The following TNRC6B variants were observed in gnomAD, a reference collection of about 807,000 sequenced individuals.
TNRC6B encodes the protein trinucleotide repeat-containing gene 6B protein.
TNRC6B carries 52 observed loss-of-function variants against 203.6 expected under a neutral mutation model. The observed-to-expected ratio is 0.26, with a 90% CI of 0.20 to 0.32. The LOEUF (loss-of-function observed/expected upper bound fraction) is 0.32, where lower values mean the gene tolerates loss of function less well. Among genes scored for constraint, TNRC6B ranks in the 10% least tolerant of loss-of-function variants. The pLI, the probability that TNRC6B is intolerant of heterozygous loss-of-function variation, is 1.00. For missense variants in TNRC6B, 1,923 were observed against 2,286.2 expected (o/e 0.84, Z 3.24); for synonymous variants, 838 against 845.7 (o/e 0.99, Z 0.16).
intron 1 of TNRC6B, among the ~76,000 whole-genome samples, chr22:40,066,995 C>T (rs555492448): frequency 9.9e-5 from 15 of 151,658 alleles, no homozygotes; most frequent in African/African-American, 3.6e-4. Flanking sequence ...CTTCAACCTC[C>T]GAGGCTCAAG....
intron 20 of TNRC6B, 132 bp from the exon 21 acceptor site, chr22:40,315,810 T>C: frequency 1.3e-6 from 1 of 744,128 alleles, no homozygotes. Flanking sequence ...AAAAAGAAGG[T>C]CAGAGTCCAG....
intron 12 of TNRC6B, among the ~76,000 whole-genome samples, chr22:40,299,325 C>G (rs144246251): frequency 6.6e-6 from 1 of 151,836 alleles, no homozygotes; most frequent in South Asian, 2.1e-4. Context: ...CCACAACCTC[C>G]GCCTCCCAGC....
intron 4 of TNRC6B, among the ~76,000 whole-genome samples, chr22:40,163,275 GTGT>G (rs2068885615): frequency 6.6e-6 from 1 of 150,720 alleles, no homozygotes; most frequent in African/African-American, 2.4e-5. Context: ...TTAGCTGAGC[GTGT>G]TGTTGTGTGC....
At chr22:40,090,144 A>G (rs1370214070) in intron 1 of TNRC6B, among the ~76,000 whole-genome samples, 1 of 152,234 alleles carries the variant, frequency 6.6e-6, no homozygotes, top group Non-Finnish European at 1.5e-5. Context: ...TGCAAACACC[A>G]TGTGTGGGTT....
chr22:40,060,088 C>A (rs2067836384), intron 1 of TNRC6B, among the ~76,000 whole-genome samples: 1 of 150,578 alleles, frequency 6.6e-6, no homozygotes. Context: ...CTCGACCTCC[C>A]AAAAGTGCTG....
chr22:40,074,235 CAAAAA>C (rs944802253), intron 1 of TNRC6B, among the ~76,000 whole-genome samples: 7 of 68,366 alleles, frequency 1.0e-4, no homozygotes, highest in African/African-American at 2.2e-4. Flanking sequence ...CGCTCTGTCT[CAAAAA>C]AAAAAAAAAA....
At chr22:40,144,458 G>A (rs955919200) in intron 3 of TNRC6B, among the ~76,000 whole-genome samples, 18 of 150,928 alleles carry the variant, frequency 1.2e-4, no homozygotes, top group African/African-American at 3.4e-4. Context: ...GGCGGATCAC[G>A]AGGTCAGGAG....
At chr22:40,062,124 A>G (rs1266204842) in intron 1 of TNRC6B, among the ~76,000 whole-genome samples, 1 of 152,176 alleles carries the variant, frequency 6.6e-6, no homozygotes, top group African/African-American at 2.4e-5. Flanking sequence ...CAGCCCTCCC[A>G]GGTTTTGTAT....
chr22:40,197,987 G>A (rs1254673959), intron 1 of TNRC6B, among the ~76,000 whole-genome samples: 1 of 152,036 alleles, frequency 6.6e-6, no homozygotes, highest in Non-Finnish European at 1.5e-5. Flanking sequence ...GTTTACTTCA[G>A]GTGATTAATT....
At position 40,113,086 on chromosome 22, in the gene TNRC6B, G is replaced by A. The variant is rs142161372; in HGVS notation, c.-120-3969G>A. ...TGCGTCACTGCACTCCAGCCTGGGC[G>A]ACAGAGCAAGACTCCATCTCAACAA... is the stretch of plus-strand genomic sequence containing the variant. On this transcript the variant is annotated intron_variant, in intron 1 of 23. Transcript: ENST00000301923. Among the ~76,000 whole-genome samples the A allele has an allele frequency of 1.8e-4, 28 of 152,220 alleles. No individual in the cohort carries two copies. The East Asian group carries it at 5.0e-3, about 27-fold the overall frequency.
At chr22:40,144,220 T>C (rs774405822) in intron 3 of TNRC6B, among the ~76,000 whole-genome samples, 15 of 152,224 alleles carry the variant, frequency 9.9e-5, no homozygotes, top group Non-Finnish European at 1.9e-4. Context: ...CTTAGGTGTA[T>C]ACTCCATAGA....
At chr22:40,139,075 T>C (rs887133979) in intron 3 of TNRC6B, among the ~76,000 whole-genome samples, 1 of 152,176 alleles carries the variant, frequency 6.6e-6, no homozygotes, top group African/African-American at 2.4e-5. Flanking sequence ...AAAAAGAAAC[T>C]GTATCCATTA....
At chr22:40,187,772 T>C (rs1164479047) in intron 1 of TNRC6B, among the ~76,000 whole-genome samples, 3 of 152,202 alleles carry the variant, frequency 2.0e-5, no homozygotes, top group Non-Finnish European at 4.4e-5. Flanking sequence ...TTTGCCGACC[T>C]GGGCCAATTG....
intron 1 of TNRC6B, among the ~76,000 whole-genome samples, chr22:40,048,872 G>A (rs751621672): frequency 2.6e-5 from 4 of 150,954 alleles, no homozygotes; most frequent in Non-Finnish European, 5.9e-5. Context: ...ACAGAGTTTC[G>A]CTCTGTCGCC....
chr22:40,243,563 C>G lies in TNRC6B; in HGVS notation c.6-2452C>G, dbSNP rs540008021. 2.0e-4 allele frequency among the ~76,000 whole-genome samples: 30 copies of G among 152,208 alleles called. No individual in the cohort carries two copies. In the South Asian group the frequency reaches 6.2e-3, roughly 32 times the overall value. On this transcript the variant is annotated intron_variant, in intron 1 of 22. Coordinates refer to ENST00000454349, the MANE Select transcript of TNRC6B (RefSeq NM_001162501.2). ...GAACGTGTTTGATTAAAACTTACCC[C>G]TTTTTTTACATTTTATTTTATTAAT...
At chr22:40,147,723 C>T (rs1347221123) in intron 3 of TNRC6B, among the ~76,000 whole-genome samples, 1 of 152,188 alleles carries the variant, frequency 6.6e-6, no homozygotes, top group African/African-American at 2.4e-5. Context: ...AGGTTTTCAA[C>T]ACAAATTTTG....
intron 1 of TNRC6B, among the ~76,000 whole-genome samples, chr22:40,048,270 T>C (rs2067710132): frequency 6.6e-6 from 1 of 152,220 alleles, no homozygotes; most frequent in Non-Finnish European, 1.5e-5. Flanking sequence ...CCGGGCGTGG[T>C]GGCTCACGCC....
At chr22:40,299,274 T>C (rs1468311133) in intron 12 of TNRC6B, among the ~76,000 whole-genome samples, 1 of 151,250 alleles carries the variant, frequency 6.6e-6, no homozygotes, top group African/African-American at 2.4e-5. Flanking sequence ...AATTTCACTC[T>C]TGTTGCCCAT....
At chr22:40,215,058 T>A (rs2069617379) in intron 1 of TNRC6B, among the ~76,000 whole-genome samples, 1 of 152,194 alleles carries the variant, frequency 6.6e-6, no homozygotes, top group Non-Finnish European at 1.5e-5. Context: ...AATACTTAGC[T>A]TTCTTTTTTT....
Sources: gnomAD v4.1 joint callset for allele counts (sites outside exome capture counted in the v4.1 genomes callset) on GRCh38, gnomAD v4.1.1 for gene constraint, MANE v1.5 for transcripts, NCBI Gene and HGNC (gene_info 2026-07-23, HGNC 2026-07-21) for gene names.